Variants in ADGRL2 observed in about 807,000 individuals in gnomAD.
ADGRL2 encodes the protein calcium-independent alpha-latrotoxin receptor 2.
Under a neutral mutation model 157.4 loss-of-function variants are expected in ADGRL2, and 44 were observed. That is an observed-to-expected ratio of 0.28 (90% confidence interval 0.22 to 0.36). ADGRL2 has a LOEUF of 0.36. Ranked by LOEUF, ADGRL2 falls within the 10% of genes least tolerant of loss-of-function variation. The pLI is 1.00. For synonymous variants in ADGRL2, 585 were observed against 624.7 expected (o/e 0.94, Z 0.95); for missense variants, 1,510 against 1,768.9 (o/e 0.85, Z 2.63).
At chr1:81,428,550 G>A (rs2077261706) in intron 1 of ADGRL2, among the ~76,000 whole-genome samples, 2 of 152,158 alleles carry the variant, frequency 1.3e-5, no homozygotes, top group South Asian at 2.1e-4. Flanking sequence ...AGGGTCAGAT[G>A]GTTGAAGCTT....
chr1:81,958,213 C>T (rs1208183119), intron 11 of ADGRL2, among the ~76,000 whole-genome samples: 1 of 151,780 alleles, frequency 6.6e-6, no homozygotes, highest in Non-Finnish European at 1.5e-5. Flanking sequence ...GCCGTGATCA[C>T]GCCATTGCAC....
At chr1:81,761,533 T>C (rs555736657) in intron 1 of ADGRL2, among the ~76,000 whole-genome samples, 1 of 151,842 alleles carries the variant, frequency 6.6e-6, no homozygotes, top group Non-Finnish European at 1.5e-5. Context: ...GAAAAAAAAA[T>C]TTATTGACAA....
intron 1 of ADGRL2, among the ~76,000 whole-genome samples, chr1:81,327,220 C>A (rs139768946): frequency 6.6e-6 from 1 of 151,870 alleles, no homozygotes; most frequent in African/African-American, 2.4e-5. Flanking sequence ...GACTGCAGAG[C>A]GGAATTAAGT....
intron 1 of ADGRL2, among the ~76,000 whole-genome samples, chr1:81,745,855 A>G (rs1277607341): frequency 1.3e-5 from 2 of 152,110 alleles, no homozygotes; most frequent in African/African-American, 4.8e-5. Context: ...CTAGTTTTGT[A>G]GGTGAGGTCT....
intron 2 of ADGRL2, among the ~76,000 whole-genome samples, chr1:81,509,681 G>A (rs143698557): frequency 9.9e-4 from 150 of 152,272 alleles, no homozygotes; most frequent in African/African-American, 3.3e-3. Context: ...AAGTAACAAA[G>A]CCCTGTTTTC....
chr1:81,731,732 G>A (rs1227968329), intron 1 of ADGRL2, among the ~76,000 whole-genome samples: 2 of 152,032 alleles, frequency 1.3e-5, no homozygotes, highest in Non-Finnish European at 2.9e-5. Context: ...ATTTATCACT[G>A]TTGACTAAGC....
chr1:81,541,813 C>A (rs1250507200), intron 2 of ADGRL2, among the ~76,000 whole-genome samples: 5 of 150,952 alleles, frequency 3.3e-5, no homozygotes, highest in African/African-American at 1.2e-4. Context: ...ACAAAATTAG[C>A]CAGGCGTGGT....
rs112309512 is a variant in ADGRL2, at chr1:81,484,316, G to A, written c.-248+39227G>A. On this transcript the variant is annotated intron_variant, in intron 2 of 24. Transcript: ENST00000370721. Reference sequence around the variant, plus strand: ...ACTAGTCGGACTACAGAGGAACAAAGCAGCTTGCCCATGTCAACAGATCAT... The same window carrying A: ...ACTAGTCGGACTACAGAGGAACAAAACAGCTTGCCCATGTCAACAGATCAT... 2.6e-3 allele frequency among the ~76,000 whole-genome samples: 401 copies of A among 152,208 alleles called. 6 individuals are homozygous for A. Among genetic ancestry groups the A allele is most frequent in the African/African-American group, 9.4e-3 (389 of 41,524 alleles).
At chr1:81,636,375 A>G (rs1188595090) in intron 3 of ADGRL2, among the ~76,000 whole-genome samples, 4 of 152,290 alleles carry the variant, frequency 2.6e-5, no homozygotes, top group Non-Finnish European at 5.9e-5. Context: ...TTAAACAAAC[A>G]TATCTTATGG....
intron 2 of ADGRL2, among the ~76,000 whole-genome samples, chr1:81,549,609 C>T (rs1240473871): frequency 6.6e-6 from 1 of 152,148 alleles, no homozygotes; most frequent in African/African-American, 2.4e-5. Flanking sequence ...ATAAGCAATC[C>T]TCCTGGAATC....
intron 2 of ADGRL2, among the ~76,000 whole-genome samples, chr1:81,496,485 T>C (rs2078732758): frequency 6.6e-6 from 1 of 152,166 alleles, no homozygotes; most frequent in Non-Finnish European, 1.5e-5. Context: ...TCTGTGGATT[T>C]GAAAAGAGAT....
chr1:81,636,347 A>C (rs1209605947), intron 3 of ADGRL2, among the ~76,000 whole-genome samples: 11 of 152,328 alleles, frequency 7.2e-5, no homozygotes, highest in Admixed American at 2.0e-4. Context: ...TTTAATAATT[A>C]AATTTTTATT....
intron 3 of ADGRL2, among the ~76,000 whole-genome samples, chr1:81,693,820 T>C (rs1006765969): frequency 2.0e-5 from 3 of 152,142 alleles, no homozygotes; most frequent in Non-Finnish European, 1.5e-5. Context: ...AAATTATATA[T>C]AGAAAAATGA....
Position 81,688,969 on chromosome 1 carries a change from C to A in ADGRL2, c.-142-72842C>A, listed in dbSNP as rs1471362661. On this transcript the variant is annotated intron_variant, in intron 3 of 24. Transcript: ENST00000370721. Reference sequence around the variant, plus strand: ...GGGTCTAGCCACCCAGCAAGTCTACCCAGCTCCACGCTGGTACTGGGGATT... The same window carrying A: ...GGGTCTAGCCACCCAGCAAGTCTACACAGCTCCACGCTGGTACTGGGGATT... Among the ~76,000 whole-genome samples, 3 of 152,114 alleles carry A rather than the reference C, an allele frequency of 2.0e-5. No individual in the cohort carries two copies. The East Asian group carries it at 5.8e-4, about 29-fold the overall frequency.
intron 3 of ADGRL2, among the ~76,000 whole-genome samples, chr1:81,620,808 G>A (rs1050852813): frequency 1.3e-5 from 2 of 152,188 alleles, no homozygotes; most frequent in African/African-American, 4.8e-5. Flanking sequence ...ATTTTCAAAT[G>A]TATAAGTTCA....
intron 2 of ADGRL2, among the ~76,000 whole-genome samples, chr1:81,898,853 T>G (rs2094440075): frequency 6.6e-6 from 1 of 152,186 alleles, no homozygotes; most frequent in South Asian, 2.1e-4. Context: ...TTTTCTCATT[T>G]CCATTTTAGG....
intron 2 of ADGRL2, chr1:81,501,677 G>A (rs1028894319): frequency 2.0e-6 from 3 of 1,532,138 alleles, no homozygotes; most frequent in Non-Finnish European, 2.7e-6. Flanking sequence ...CCGAAAACCC[G>A]GAGTGCCCCG....
chr1:81,843,617 T>A (rs1162873178), intron 2 of ADGRL2, among the ~76,000 whole-genome samples: 1 of 152,192 alleles, frequency 6.6e-6, no homozygotes, highest in Non-Finnish European at 1.5e-5. Context: ...TGTTGTTATC[T>A]TCTCTTGCAA....
At chr1:81,868,060 G>GGTGTGTGTGTGTGT (rs145794673) in intron 2 of ADGRL2, among the ~76,000 whole-genome samples, 4 of 145,662 alleles carry the variant, frequency 2.7e-5, no homozygotes, top group African/African-American at 7.6e-5. Flanking sequence ...GTGTGTGTGT[G>GGTGTGTGTGTGTGT]GTGTGTGTGT....
Sources: gnomAD v4.1 joint callset for allele counts (sites outside exome capture counted in the v4.1 genomes callset) on GRCh38, gnomAD v4.1.1 for gene constraint, MANE v1.5 for transcripts, NCBI Gene and HGNC (gene_info 2026-07-23, HGNC 2026-07-21) for gene names.